Variants in NIBAN1 observed in about 807,000 individuals in gnomAD.
NIBAN1 encodes niban apoptosis regulator 1.
A neutral mutation model predicts 75.1 loss-of-function variants in NIBAN1; 81 were observed. The observed-to-expected ratio is 1.08, with a 90% confidence interval of 0.90 to 1.30. The LOEUF is 1.30. NIBAN1 is among the 50% of genes most tolerant of loss of function. NIBAN1 has a pLI of 0.00. For missense variants in NIBAN1, 1,133 were observed against 1,128.1 expected, an observed-to-expected ratio of 1.00 and a Z score of -0.06; for synonymous variants, 436 against 424.8, an observed-to-expected ratio of 1.03 and a Z score of -0.32.
At chr1:184,797,907 A>G (rs1230321711) in intron 13 of NIBAN1, among the ~76,000 whole-genome samples, 172 bp downstream of exon 13, 2 of 152,194 alleles carry the variant, frequency 1.3e-5, no homozygotes, top group African/African-American at 2.4e-5. Context: ...ATAACACTCA[A>G]TCAAGGTTAG....
At chr1:184,822,639 G>A (rs1654733816) in intron 8 of NIBAN1, among the ~76,000 whole-genome samples, 1 of 152,224 alleles carries the variant, frequency 6.6e-6, no homozygotes. Context: ...TAATATTGGA[G>A]TTGGGGCTAC....
In NIBAN1 at chr1:184,806,409, G is replaced by C. The variant is rs140201101; in HGVS notation, c.1336-353C>G. 5.2e-4 allele frequency among the ~76,000 whole-genome samples: 79 copies of C among 152,312 alleles called. No homozygotes were observed. In the Middle Eastern group the frequency reaches 0.014, roughly 26 times the overall value. On this transcript the variant is annotated intron_variant, in intron 10 of 13. Coordinates refer to ENST00000367511, the MANE Select transcript of NIBAN1 (RefSeq NM_052966.4). ...TTTGGTGGCACCTCCACTTTAAGTA[G>C]ATGTAAACCGCTCCACAGCTTATCT...
intron 1 of NIBAN1, among the ~76,000 whole-genome samples, chr1:184,913,791 C>T (rs1439799499): frequency 3.9e-5 from 6 of 152,072 alleles, no homozygotes; most frequent in Non-Finnish European, 7.4e-5. Context: ...TTCCACACTG[C>T]GAAAAGGAAA....
At chr1:184,931,822 G>A (rs921834981) in intron 1 of NIBAN1, among the ~76,000 whole-genome samples, 12 of 152,176 alleles carry the variant, frequency 7.9e-5, no homozygotes, top group Admixed American at 2.6e-4. Context: ...CATGTGTAGC[G>A]CAGCACAATC....
chr1:184,808,784 T>C (rs1654282702), intron 9 of NIBAN1, among the ~76,000 whole-genome samples: 1 of 152,126 alleles, frequency 6.6e-6, no homozygotes, highest in Admixed American at 6.5e-5. Flanking sequence ...GGGAAGTGGA[T>C]AGGCAGAGCC....
Position 184,806,519 on chromosome 1 carries a change from A to G in NIBAN1, c.1336-463T>C, listed in dbSNP as rs536873218. The stretch of plus-strand genomic sequence containing the variant: ...CTGACATGTTCATGGGTCAGAAAGC[A>G]GAAGTAGTTCAGGTATCTTATTCTC... On this transcript the variant is annotated intron_variant, in intron 10 of 13. Transcript: ENST00000367511. Among the ~76,000 whole-genome samples the G allele has an allele frequency of 3.9e-4, 60 of 152,308 alleles. 1 individual carries two copies. Among genetic ancestry groups the G allele is most frequent in the Non-Finnish European group, 4.4e-5 (3 of 68,030 alleles).
intron 1 of NIBAN1, among the ~76,000 whole-genome samples, chr1:184,937,532 T>C (rs987701576): frequency 2.0e-5 from 3 of 152,200 alleles, no homozygotes; most frequent in African/African-American, 7.2e-5. Flanking sequence ...CTTAACTACC[T>C]CTCATGAGCC....
intron 1 of NIBAN1, among the ~76,000 whole-genome samples, chr1:184,953,711 C>T (rs1053499571): frequency 6.6e-6 from 1 of 152,166 alleles, no homozygotes; most frequent in South Asian, 2.1e-4. Flanking sequence ...AGCTATAGTA[C>T]GCCTCAGGAG....
At chr1:184,951,516 A>G (rs1332671763) in intron 1 of NIBAN1, among the ~76,000 whole-genome samples, 1 of 152,098 alleles carries the variant, frequency 6.6e-6, no homozygotes, top group Admixed American at 6.6e-5. Flanking sequence ...CCTTGAAGCC[A>G]CTTTTTTTCC....
chr1:184,914,654 T>C (rs930621126), intron 1 of NIBAN1, among the ~76,000 whole-genome samples: 3 of 152,306 alleles, frequency 2.0e-5, no homozygotes, highest in Admixed American at 1.3e-4. Context: ...ATGGTTACTG[T>C]AGTGAAGAAG....
chr1:184,951,874 C>G (rs1658366809), intron 1 of NIBAN1, among the ~76,000 whole-genome samples: 1 of 152,194 alleles, frequency 6.6e-6, no homozygotes. Flanking sequence ...TCTCTGCTCA[C>G]AGTTCCCATT....
At chr1:184,796,645 T>TAAC (rs771778866) in intron 13 of NIBAN1, among the ~76,000 whole-genome samples, 29 of 152,186 alleles carry the variant, frequency 1.9e-4, no homozygotes, top group Admixed American at 4.6e-4. Flanking sequence ...GCAAATCCAA[T>TAAC]AACAACAACA....
rs543152695 is a variant in NIBAN1 at position 184,877,777 on chromosome 1, G to C, written c.601+6856C>G. 2.3e-4 allele frequency among the ~76,000 whole-genome samples: 35 copies of C among 152,192 alleles called. No homozygotes were observed. In the South Asian group the frequency reaches 3.5e-3, roughly 15 times the overall value. On this transcript the variant is annotated intron_variant, in intron 5 of 13. Transcript: ENST00000367511. Reference sequence around the variant, plus strand: ...GTATGTTTCAATTGTAATATATCCTGTCTATAAGTAAAAGAAGAAAAACAA... The same window carrying C: ...GTATGTTTCAATTGTAATATATCCTCTCTATAAGTAAAAGAAGAAAAACAA...
intron 12 of NIBAN1, among the ~76,000 whole-genome samples, chr1:184,802,106 A>G (rs184883995): frequency 9.2e-5 from 14 of 152,334 alleles, no homozygotes; most frequent in African/African-American, 3.4e-4. Context: ...AGCAAAATAA[A>G]GACTCCTTCT....
chr1:184,874,000 A>G (rs1313975756), intron 5 of NIBAN1, among the ~76,000 whole-genome samples: 2 of 152,154 alleles, frequency 1.3e-5, no homozygotes, highest in African/African-American at 4.8e-5. Flanking sequence ...ACAACAACCT[A>G]TAAGTGGAGA....
chr1:184,834,898 C>T (rs1294977087), intron 5 of NIBAN1, among the ~76,000 whole-genome samples: 1 of 152,104 alleles, frequency 6.6e-6, no homozygotes, highest in South Asian at 2.1e-4. Context: ...GTTGCCATTG[C>T]TTTTGGTGTT....
intron 5 of NIBAN1, among the ~76,000 whole-genome samples, chr1:184,869,107 G>A (rs1443447019): frequency 6.6e-6 from 1 of 152,134 alleles, no homozygotes; most frequent in Non-Finnish European, 1.5e-5. Flanking sequence ...GCATATTCAA[G>A]CAAGGGAAAC....
intron 1 of NIBAN1, among the ~76,000 whole-genome samples, chr1:184,942,415 G>A (rs1452712893): frequency 1.3e-5 from 2 of 152,190 alleles, no homozygotes; most frequent in Non-Finnish European, 2.9e-5. Flanking sequence ...CAGATGCCGC[G>A]GGGCGCGGTG....
intron 1 of NIBAN1, among the ~76,000 whole-genome samples, chr1:184,950,099 G>C (rs1294449780): frequency 6.6e-6 from 1 of 152,006 alleles, no homozygotes; most frequent in African/African-American, 2.4e-5. Context: ...AAAAAAACAA[G>C]AGTTATAAAG....
Sources: allele counts gnomAD v4.1 joint callset (sites outside exome capture counted in the v4.1 genomes callset), GRCh38; gene constraint gnomAD v4.1.1; transcripts MANE v1.5; gene names NCBI Gene and HGNC (gene_info 2026-07-23, HGNC 2026-07-21).